KCNB2: variants seen among roughly 807,000 people sequenced by gnomAD.
KCNB2 encodes delayed rectifier potassium channel protein.
Under a neutral mutation model 61.5 loss-of-function variants are expected in KCNB2, and 15 were observed. That is an observed-to-expected ratio of 0.24 (90% CI 0.16 to 0.38). The LOEUF (loss-of-function observed/expected upper bound fraction) is 0.38. Ranked by LOEUF, KCNB2 falls within the 10% of genes least tolerant of loss-of-function variation. The pLI is 1.00. For synonymous variants in KCNB2, 457 were observed against 446.0 expected (o/e 1.02, Z -0.31); for missense variants, 828 against 1,125.2 (o/e 0.74, Z 3.78).
At chr8:72,574,116 A>G (rs906446310) in intron 2 of KCNB2, among the ~76,000 whole-genome samples, 1 of 152,240 alleles carries the variant, frequency 6.6e-6, no homozygotes, top group Non-Finnish European at 1.5e-5. Flanking sequence ...TGAAAGAAAT[A>G]AGGCATAAGA....
At chr8:72,922,519 G>A (rs1806543886) in intron 2 of KCNB2, among the ~76,000 whole-genome samples, 1 of 152,160 alleles carries the variant, frequency 6.6e-6, no homozygotes, top group South Asian at 2.1e-4. Context: ...TCAGGGTTTG[G>A]TAAGGGCTCA....
intron 2 of KCNB2, among the ~76,000 whole-genome samples, chr8:72,712,858 C>G (rs372390694): frequency 1.3e-3 from 195 of 152,230 alleles, no homozygotes; most frequent in African/African-American, 4.3e-3. Context: ...CAAAGCAGGG[C>G]GAGGCATCAC....
intron 2 of KCNB2, among the ~76,000 whole-genome samples, chr8:72,589,359 AAG>A (rs1361150475): frequency 2.0e-5 from 3 of 152,208 alleles, no homozygotes; most frequent in Non-Finnish European, 2.9e-5. Context: ...AAAAGAAAAA[AAG>A]AAAAAAAAAG....
At chr8:72,902,144 G>T (rs1373546262) in intron 2 of KCNB2, among the ~76,000 whole-genome samples, 1 of 152,204 alleles carries the variant, frequency 6.6e-6, no homozygotes, top group South Asian at 2.1e-4. Flanking sequence ...AATGACAAAT[G>T]GTTAGATTAA....
chr8:72,862,593 T>C (rs559325894), intron 2 of KCNB2, among the ~76,000 whole-genome samples: 52 of 152,310 alleles, frequency 3.4e-4, no homozygotes, highest in African/African-American at 1.2e-3. Flanking sequence ...GATTTAACAC[T>C]AAAATTATAA....
At chr8:72,625,683 G>A (rs939621088) in intron 2 of KCNB2, among the ~76,000 whole-genome samples, 2 of 152,032 alleles carry the variant, frequency 1.3e-5, no homozygotes, top group African/African-American at 4.8e-5. Flanking sequence ...TTTCTGCCTC[G>A]GCTTCTCAAA....
chr8:72,907,768 G>A (rs553053620), intron 2 of KCNB2, among the ~76,000 whole-genome samples: 3 of 152,180 alleles, frequency 2.0e-5, no homozygotes, highest in Non-Finnish European at 4.4e-5. Context: ...AGAGTCAGAG[G>A]TAGCTGAAGG....
chr8:72,918,230 G>A (rs1401936449), intron 2 of KCNB2, among the ~76,000 whole-genome samples: 1 of 152,150 alleles, frequency 6.6e-6, no homozygotes, highest in African/African-American at 2.4e-5. Context: ...AGATCAAGCA[G>A]CATAAAAGTT....
intron 2 of KCNB2, among the ~76,000 whole-genome samples, chr8:72,645,614 C>T (rs769936665): frequency 1.1e-4 from 17 of 152,282 alleles, no homozygotes; most frequent in Admixed American, 6.5e-4. Context: ...TGGCTGTGTT[C>T]TTCTGGAGCT....
At chr8:72,865,240 C>T (rs1659626380) in intron 2 of KCNB2, among the ~76,000 whole-genome samples, 1 of 152,102 alleles carries the variant, frequency 6.6e-6, no homozygotes, top group African/African-American at 2.4e-5. Context: ...CATTCCCCAT[C>T]GCTTACTATT....
chr8:72,557,069 C>T (rs1398118731), intron 1 of KCNB2, among the ~76,000 whole-genome samples: 1 of 152,076 alleles, frequency 6.6e-6, no homozygotes, highest in African/African-American at 2.4e-5. Context: ...CCTAATCACT[C>T]CCAAAAGGTC....
intron 2 of KCNB2, among the ~76,000 whole-genome samples, chr8:72,781,703 TG>T (rs1563383349): frequency 6.6e-6 from 1 of 152,206 alleles, no homozygotes; most frequent in African/African-American, 2.4e-5. Context: ...GACTCTTATT[TG>T]GTTCCATATG....
At chr8:72,652,391 A>G (rs892046795) in intron 2 of KCNB2, among the ~76,000 whole-genome samples, 2 of 152,028 alleles carry the variant, frequency 1.3e-5, no homozygotes, top group Admixed American at 6.6e-5. Context: ...TGCAAGAGCT[A>G]TCTACCTGGC....
At chr8:72,820,120 T>A (rs1266764595) in intron 2 of KCNB2, among the ~76,000 whole-genome samples, 1 of 152,132 alleles carries the variant, frequency 6.6e-6, no homozygotes, top group Non-Finnish European at 1.5e-5. Context: ...AGTACCCTCA[T>A]CAACCGCTCA....
intron 2 of KCNB2, among the ~76,000 whole-genome samples, chr8:72,890,176 G>A (rs1352508890): frequency 3.3e-5 from 5 of 152,150 alleles, no homozygotes; most frequent in Non-Finnish European, 5.9e-5. Context: ...CAAAGTGACC[G>A]CAGATGATTC....
chr8:72,866,065 C>A (rs558830059), intron 2 of KCNB2, among the ~76,000 whole-genome samples: 1 of 152,304 alleles, frequency 6.6e-6, no homozygotes, highest in South Asian at 2.1e-4. Context: ...ACTCTTTGCA[C>A]ATTGTCATTC....
intron 2 of KCNB2, among the ~76,000 whole-genome samples, chr8:72,832,596 A>G (rs1171970801): frequency 6.6e-6 from 1 of 152,220 alleles, no homozygotes; most frequent in Non-Finnish European, 1.5e-5. Context: ...GTAAGTGTCA[A>G]GAGCTGTAAA....
intron 2 of KCNB2, 46 bp downstream of exon 2, chr8:72,568,359 T>C (rs1806660234): frequency 6.7e-7 from 1 of 1,482,752 alleles, no homozygotes. Context: ...TCAGAAAAGA[T>C]GCTACCTACG....
chr8:72,631,010 T>C (rs1031651883), intron 2 of KCNB2, among the ~76,000 whole-genome samples: 22 of 152,200 alleles, frequency 1.4e-4, no homozygotes, highest in African/African-American at 5.3e-4. Flanking sequence ...TATGTTTTTT[T>C]CTATACATAC....
Sources: allele counts gnomAD v4.1 joint callset (sites outside exome capture counted in the v4.1 genomes callset), GRCh38; gene constraint gnomAD v4.1.1; transcripts MANE v1.5; gene names NCBI Gene and HGNC (gene_info 2026-07-23, HGNC 2026-07-21).